NARS2: variants seen among roughly 807,000 people sequenced by gnomAD.
NARS2 encodes asparaginyl-tRNA synthetase.
In NARS2, 60 loss-of-function variants were observed where a neutral mutation model predicts 62.9. That is an observed-to-expected ratio of 0.95 (90% confidence interval 0.77 to 1.18). The LOEUF (loss-of-function observed/expected upper bound fraction) is 1.18. Among genes scored for constraint, NARS2 ranks in the 50% most tolerant of loss-of-function variants. The probability of loss-of-function intolerance (pLI) is 0.00; values close to 1 mark genes in which losing one functional copy is unlikely to be tolerated. For synonymous variants in NARS2, 196 were observed against 200.0 expected, an observed-to-expected ratio of 0.98 and a Z score of 0.17; for missense variants, 619 against 576.4, an observed-to-expected ratio of 1.07 and a Z score of -0.76.
chr11:78,511,480 G>A (rs1860718568), intron 6 of NARS2, among the ~76,000 whole-genome samples: 2 of 152,154 alleles, frequency 1.3e-5, no homozygotes, highest in Admixed American at 1.3e-4. Flanking sequence ...CACTTTGGGA[G>A]GCCAAGACAG....
chr11:78,547,230 TG>T (rs1855914753), intron 5 of NARS2, among the ~76,000 whole-genome samples: 2 of 151,934 alleles, frequency 1.3e-5, no homozygotes, highest in Non-Finnish European at 2.9e-5. Context: ...ACCAGCTACC[TG>T]GGAGGCTAAA....
chr11:78,467,436 C>G (rs939225593), intron 10 of NARS2, among the ~76,000 whole-genome samples: 12 of 151,918 alleles, frequency 7.9e-5, no homozygotes, highest in African/African-American at 2.9e-4. Flanking sequence ...AGTTGGGAGA[C>G]TGAGTTGGGA....
intron 5 of NARS2, among the ~76,000 whole-genome samples, chr11:78,534,288 G>T (rs4945289): frequency 0.64 from 97,974 of 152,032 alleles, 34,941 homozygotes; most frequent in Non-Finnish European, 0.81. Context: ...TCAGCATTTG[G>T]TGTTGTCAGT....
At chr11:78,542,678 G>A (rs1455252553) in intron 5 of NARS2, among the ~76,000 whole-genome samples, 2 of 152,152 alleles carry the variant, frequency 1.3e-5, no homozygotes, top group Non-Finnish European at 2.9e-5. Flanking sequence ...GTGGAGGCAG[G>A]AGGATTGCTT....
chr11:78,450,472 ATT>A (rs1215308229), intron 11 of NARS2, among the ~76,000 whole-genome samples: 6 of 152,246 alleles, frequency 3.9e-5, no homozygotes, highest in African/African-American at 1.4e-4. Flanking sequence ...GAAAATTCAC[ATT>A]CTCTCCAGTG....
At chr11:78,550,041 A>C (rs1052711751) in intron 5 of NARS2, among the ~76,000 whole-genome samples, 31 of 152,206 alleles carry the variant, frequency 2.0e-4, no homozygotes, top group Non-Finnish European at 7.3e-5. Flanking sequence ...AGTCATGTTA[A>C]ATAAGGCATT....
intron 4 of NARS2, among the ~76,000 whole-genome samples, chr11:78,562,028 C>CT (rs1316435591): frequency 1.3e-5 from 2 of 149,114 alleles, no homozygotes; most frequent in Non-Finnish European, 2.9e-5. Context: ...CGGCGAGACT[C>CT]TGTCAAAAAA....
intron 7 of NARS2, among the ~76,000 whole-genome samples, chr11:78,480,793 T>C (rs924892664): frequency 3.3e-5 from 5 of 151,382 alleles, no homozygotes; most frequent in African/African-American, 1.2e-4. Flanking sequence ...GGATCTTGTA[T>C]CCTAAAAAGG....
chr11:78,484,591 AC>A (rs1431379844), intron 7 of NARS2, among the ~76,000 whole-genome samples: 1 of 152,206 alleles, frequency 6.6e-6, no homozygotes, highest in Non-Finnish European at 1.5e-5. Context: ...ATATGAACAG[AC>A]ACTTCTTAAA....
At chr11:78,473,631 C>G (rs932236429) in intron 9 of NARS2, among the ~76,000 whole-genome samples, 2 of 152,308 alleles carry the variant, frequency 1.3e-5, no homozygotes, top group Admixed American at 1.3e-4. Flanking sequence ...TAAATTCAAA[C>G]TCTAGGCTCA....
intron 6 of NARS2, among the ~76,000 whole-genome samples, chr11:78,507,522 C>T (rs1231586785): frequency 7.1e-6 from 1 of 140,610 alleles, no homozygotes; most frequent in South Asian, 2.2e-4. Context: ...TTCTTTTATT[C>T]TTTTTTTTTT....
rs533892172 is a variant in NARS2, at chr11:78,572,348, T to C, written c.142-904A>G. 2.0e-5 allele frequency among the ~76,000 whole-genome samples: 3 copies of C among 152,302 alleles called. No individual in the cohort carries two copies. In the East Asian group the frequency reaches 5.8e-4, roughly 29 times the overall value. On this transcript the variant is annotated intron_variant, in intron 1 of 13. Transcript: ENST00000281038. ...AAAACTTAACGAAGTGGTTATCATT[T>C]TAGAGCTGATGAAACATTATTTAGA...
intron 5 of NARS2, among the ~76,000 whole-genome samples, chr11:78,553,633 T>A (rs1253700125): frequency 2.0e-5 from 3 of 152,178 alleles, no homozygotes; most frequent in Non-Finnish European, 1.5e-5. Flanking sequence ...TCTAAGTAAG[T>A]TCCTTATAGA....
chr11:78,479,434 G>A (rs1197872420), intron 7 of NARS2, among the ~76,000 whole-genome samples: 2 of 152,060 alleles, frequency 1.3e-5, no homozygotes, highest in Non-Finnish European at 2.9e-5. Flanking sequence ...ACTTGAGCCT[G>A]CGAGGTTGAG....
At chr11:78,441,169 T>C in intron 12 of NARS2, 52 bp from the exon 13 acceptor site, 1 of 1,509,178 alleles carries the variant, frequency 6.6e-7, no homozygotes, top group Middle Eastern at 1.7e-4. Flanking sequence ...AGATAAATAT[T>C]AACCACTAGA....
At chr11:78,491,735 C>A (rs2135319128) in intron 7 of NARS2, among the ~76,000 whole-genome samples, 1 of 152,286 alleles carries the variant, frequency 6.6e-6, no homozygotes, top group African/African-American at 2.4e-5. Context: ...CTTATGAATA[C>A]TGTTCTCAAG....
intron 13 of NARS2, among the ~76,000 whole-genome samples, chr11:78,438,338 G>A (rs1857474993): frequency 6.6e-6 from 1 of 152,082 alleles, no homozygotes; most frequent in East Asian, 1.9e-4. Context: ...ATTCAGTCTT[G>A]AATAACTGAA....
intron 9 of NARS2, among the ~76,000 whole-genome samples, chr11:78,473,488 C>T (rs1030117214): frequency 2.6e-5 from 4 of 152,148 alleles, no homozygotes; most frequent in Non-Finnish European, 4.4e-5. Context: ...TATCATGCCA[C>T]TTGGGTTGAG....
intron 4 of NARS2, among the ~76,000 whole-genome samples, chr11:78,564,885 G>T (rs7936011): frequency 0.71 from 107,489 of 152,096 alleles, 38,595 homozygotes; most frequent in Non-Finnish European, 0.79. Flanking sequence ...GACCAAAAGT[G>T]AATCTGAAGG....
Sources: gnomAD v4.1 joint callset for allele counts (sites outside exome capture counted in the v4.1 genomes callset) on GRCh38, gnomAD v4.1.1 for gene constraint, MANE v1.5 for transcripts, NCBI Gene and HGNC (gene_info 2026-07-23, HGNC 2026-07-21) for gene names.